RBMX: variants seen among roughly 807,000 people sequenced by gnomAD.
The protein encoded by RBMX is RNA binding motif protein X-linked.
Under a neutral mutation model 29.3 loss-of-function variants are expected in RBMX, and 1 was observed. That is an observed-to-expected ratio of 0.03 (90% CI 0.01 to 0.16). The LOEUF (loss-of-function observed/expected upper bound fraction) is 0.16, where lower values mean the gene tolerates loss of function less well. Ranked by LOEUF, RBMX falls within the 10% of genes least tolerant of loss-of-function variation. RBMX has a pLI of 1.00. For synonymous variants in RBMX, 102 were observed against 102.3 expected (o/e 1.00, Z 0.02); for missense variants, 121 against 333.2 (o/e 0.36, Z 4.96).
rs921355094 is a variant in RBMX, at chrX:136,875,600, T to C, written c.542-15A>G. 5.9e-6 allele frequency: 7 copies of C among 1,195,455 alleles called. No homozygotes were observed. Among genetic ancestry groups the C allele is most frequent in the South Asian group, 3.7e-5 (2 of 53,856 alleles). ...TGATACAGGAGCTTAAGGAAAAATATCATTTTTTTAAACATAGCCAGAGAA... is the reference window on the plus strand; with the variant it reads ...TGATACAGGAGCTTAAGGAAAAATACCATTTTTTTAAACATAGCCAGAGAA... On this transcript the variant is annotated splice_polypyrimidine_tract_variant and intron_variant, in intron 5 of 8. Coordinates refer to ENST00000320676, the MANE Select transcript of RBMX (RefSeq NM_002139.4).
intron 6 of RBMX, 34 bp downstream of exon 6, chrX:136,875,433 CTTAA>C (rs749498321): frequency 1.7e-6 from 2 of 1,206,889 alleles, no homozygotes; most frequent in Non-Finnish European, 2.2e-6. Flanking sequence ...TTCCTTCAAC[CTTAA>C]TTATTAATTT....
At chrX:136,870,886 C>A (rs1159134938), downstream of RBMX, among the ~76,000 whole-genome samples, 2 of 107,877 alleles carry the variant, frequency 1.9e-5, no homozygotes, top group Non-Finnish European at 3.8e-5. Context: ...GCGGGCGGAT[C>A]ACCTGAGGTT....
chrX:136,879,195 C>T (rs1474639533), intron 2 of RBMX, 72 bp from the exon 3 acceptor site: 3 of 1,204,053 alleles, frequency 2.5e-6, no homozygotes, highest in South Asian at 3.5e-5. Context: ...AATGTGTAAA[C>T]AGAAAGCTCA....
chrX:136,871,194 C>G (rs2077682134), downstream of RBMX, among the ~76,000 whole-genome samples: 1 of 108,687 alleles, frequency 9.2e-6, no homozygotes, highest in African/African-American at 3.4e-5. Flanking sequence ...TGCCTATAAT[C>G]CCAGCACTTT....
chrX:136,879,576 C>G, intron 1 of RBMX, 123 bp from the exon 2 acceptor site: 1 of 595,979 alleles, frequency 1.7e-6, no homozygotes, highest in Non-Finnish European at 2.6e-6. Flanking sequence ...CTAAAGAAAA[C>G]GATAACGAGC....
At chrX:136,871,811 GTTTTTT>G (rs750533072), downstream of RBMX, among the ~76,000 whole-genome samples, 17 of 74,938 alleles carry the variant, frequency 2.3e-4, no homozygotes, top group African/African-American at 5.9e-4. Flanking sequence ...CACGCCCGGT[GTTTTTT>G]TTTTTTTTTT....
downstream of RBMX, chrX:136,872,378 C>A: frequency 8.8e-7 from 1 of 1,135,459 alleles, no homozygotes; most frequent in Non-Finnish European, 1.2e-6. Context: ...AACTAGTTAT[C>A]TCTCTTAAGG....
chrX:136,879,813 TAA>T (rs1396016617), intron 1 of RBMX, among the ~76,000 whole-genome samples: 7 of 111,473 alleles, frequency 6.3e-5, no homozygotes, highest in South Asian at 7.5e-4. Flanking sequence ...ACGATGGTTT[TAA>T]AAGACTCCCA....
chrX:136,879,467 AT>A lies in RBMX; in HGVS notation c.-26-15del. The A allele has an allele frequency of 8.8e-7, 1 of 1,135,074 alleles. No individual in the cohort carries two copies. Among genetic ancestry groups the A allele is most frequent in the Non-Finnish European group, 1.2e-6 (1 of 832,670 alleles). 93.5% of individuals were successfully genotyped at this position (1,135,074 alleles called of 1,213,427 possible). A position where few individuals can be genotyped will look rare whatever the true frequency, so the allele number is the denominator to read the frequency against. Reference sequence around the variant, plus strand: ...GGGCCGGTGAGTCTGTTGAAAAGGAATAGTATTACCTCACTGCAAAAAGTTC... The same window carrying A: ...GGGCCGGTGAGTCTGTTGAAAAGGAAAGTATTACCTCACTGCAAAAAGTTC... On this transcript the variant is annotated splice_polypyrimidine_tract_variant and intron_variant, in intron 1 of 8. Transcript: ENST00000320676.
intron 8 of RBMX, 194 bp downstream of exon 8, chrX:136,874,892 A>C (rs994618198): frequency 1.2e-6 from 1 of 816,625 alleles, no homozygotes; most frequent in Non-Finnish European, 1.6e-6. Context: ...CAAAGCAAGC[A>C]AACAGCCTCA....
At chrX:136,876,028 C>T (rs139445247) in intron 5 of RBMX, among the ~76,000 whole-genome samples, 37 of 109,765 alleles carry the variant, frequency 3.4e-4, no homozygotes, top group Middle Eastern at 9.4e-3. Context: ...CCTCGAACTC[C>T]GGGCCTCATG....
Position 136,879,299 on chromosome X carries a change from TG to T in RBMX, c.109+19del. ...ATATTTTAATTATAATAGCCCAGCC[TG>T]TACTGCCAGACAACTCACCTTCCAC... On this transcript the variant is annotated intron_variant, in intron 2 of 8. Transcript: ENST00000320676. 2 of 1,205,455 alleles carry T rather than the reference TG, an allele frequency of 1.7e-6. No homozygotes were observed. The highest frequency in any genetic ancestry group is 2.2e-6 in the Non-Finnish European group (2 of 889,819).
At chrX:136,872,599 C>T, downstream of RBMX, 1 of 350,926 alleles carries the variant, frequency 2.8e-6, no homozygotes, top group East Asian at 4.8e-5. Context: ...ACGTTAAATC[C>T]ATAAGTTGAA....
Position 136,875,329 on chromosome X carries a change from T to G in RBMX, c.711A>C (p.Pro237=). Residue 237 remains proline, a synonymous_variant, in exon 7 of 9, where the codon CCA becomes CCC. Coordinates refer to ENST00000320676, the MANE Select transcript of RBMX (RefSeq NM_002139.4). ...AATCACGGTAAGTATAATCTCGTGG[T>G]GGTGGTGCATAATCTCTAGTATCAC... ...SSRDTRDYAP[P]PRDYTYRDYG... is the part of the protein sequence containing the mutation. 8.3e-7 allele frequency: 1 copy of G among 1,211,451 alleles called. No homozygotes were observed. Among genetic ancestry groups the G allele is most frequent in the Non-Finnish European group, 1.1e-6 (1 of 895,377 alleles).
intron 8 of RBMX, 90 bp from the exon 9 acceptor site, chrX:136,874,542 A>C: frequency 9.4e-7 from 1 of 1,067,276 alleles, no homozygotes; most frequent in African/African-American, 1.9e-5. Context: ...TCTTGTATTA[A>C]AAGTTTACTT....
chrX:136,869,622 T>C (rs1197500391), downstream of RBMX: 3 of 111,566 alleles, frequency 2.7e-5, no homozygotes, highest in Non-Finnish European at 5.6e-5. Flanking sequence ...ACCCTTGTGG[T>C]CTGTGATTAG....
intron 8 of RBMX, 164 bp downstream of exon 8, chrX:136,874,920 CAA>C (rs764660430): frequency 5.1e-6 from 5 of 981,043 alleles, no homozygotes; most frequent in East Asian, 3.5e-5. Context: ...CTTAGAAAAA[CAA>C]AAAAAGCCCC....
At chrX:136,872,168 G>T, downstream of RBMX, 2 of 639,824 alleles carry the variant, frequency 3.1e-6, no homozygotes, top group Non-Finnish European at 4.8e-6. Flanking sequence ...TTCTTTTACA[G>T]ATGAAGTGAG....
chrX:136,880,089 A>C (rs967837779), intron 1 of RBMX, among the ~76,000 whole-genome samples: 7 of 112,230 alleles, frequency 6.2e-5, no homozygotes, highest in Non-Finnish European at 1.3e-4. Flanking sequence ...ACTGCAGCGG[A>C]ACCTAATTAA....
Sources: gnomAD v4.1 joint callset for allele counts (sites outside exome capture counted in the v4.1 genomes callset) on GRCh38, gnomAD v4.1.1 for gene constraint, MANE v1.5 for transcripts, NCBI Gene and HGNC (gene_info 2026-07-23, HGNC 2026-07-21) for gene names.